CSMD1: variants seen among roughly 807,000 people sequenced by gnomAD.
CSMD1 encodes the protein CUB and Sushi multiple domains 1.
Under a neutral mutation model 417.5 loss-of-function variants are expected in CSMD1, and 213 were observed. The observed-to-expected ratio is 0.51, with a 90% confidence interval of 0.46 to 0.57. The LOEUF is 0.57. Among genes scored for constraint, CSMD1 ranks in the 20% least tolerant of loss-of-function variants. The pLI, the probability that CSMD1 is intolerant of heterozygous loss-of-function variation, is 0.00. For synonymous variants in CSMD1, 2,862 were observed against 1,736.8 expected (o/e 1.65, Z -16.11); for missense variants, 6,923 against 4,529.7 (o/e 1.53, Z -15.17).
At chr8:3,550,258 T>C (rs1231174622) in intron 10 of CSMD1, among the ~76,000 whole-genome samples, 1 of 152,074 alleles carries the variant, frequency 6.6e-6, no homozygotes, top group Non-Finnish European at 1.5e-5. Flanking sequence ...TCACCACCTG[T>C]CACCAGGCCA....
chr8:4,311,523 G>A (rs186870921), intron 3 of CSMD1, among the ~76,000 whole-genome samples: 110 of 152,178 alleles, frequency 7.2e-4, no homozygotes, highest in African/African-American at 2.5e-3. Context: ...AGGAGTTCGA[G>A]ACCAGCCTGA....
chr8:3,935,167 A>C (rs1810399658), intron 5 of CSMD1, among the ~76,000 whole-genome samples: 1 of 152,330 alleles, frequency 6.6e-6, no homozygotes, highest in South Asian at 2.1e-4. Context: ...GAATATGGCC[A>C]CGACTCGTCT....
At chr8:3,695,583 G>T (rs980842692) in intron 7 of CSMD1, among the ~76,000 whole-genome samples, 2 of 152,060 alleles carry the variant, frequency 1.3e-5, no homozygotes, top group Admixed American at 6.6e-5. Context: ...TTATTTTGAA[G>T]GATGATAGTA....
At chr8:4,688,143 G>C (rs977584317) in intron 1 of CSMD1, among the ~76,000 whole-genome samples, 7 of 152,054 alleles carry the variant, frequency 4.6e-5, no homozygotes, top group Non-Finnish European at 1.0e-4. Flanking sequence ...TTGATTCTAA[G>C]GTTCTAAGGT....
intron 31 of CSMD1, 52 bp from the exon 32 acceptor site, chr8:3,201,777 T>A: frequency 9.4e-7 from 1 of 1,062,810 alleles, no homozygotes; most frequent in Non-Finnish European, 1.4e-6. Flanking sequence ...GAAAACAAAA[T>A]GGAGATTTTT....
At chr8:4,597,969 T>G (rs564781770) in intron 2 of CSMD1, among the ~76,000 whole-genome samples, 5 of 151,706 alleles carry the variant, frequency 3.3e-5, no homozygotes, top group African/African-American at 1.2e-4. Context: ...TATTTTAAAA[T>G]ATATGTGATT....
chr8:4,638,809 C>A (rs755394540), intron 1 of CSMD1, among the ~76,000 whole-genome samples: 2 of 152,152 alleles, frequency 1.3e-5, no homozygotes, highest in African/African-American at 2.4e-5. Context: ...CAATTGAGTG[C>A]CACAAAGCCA....
At chr8:4,876,317 G>A (rs190393593) in intron 1 of CSMD1, among the ~76,000 whole-genome samples, 2 of 152,100 alleles carry the variant, frequency 1.3e-5, no homozygotes, top group Admixed American at 6.5e-5. Flanking sequence ...GTATTCATGG[G>A]CAACAGAATT....
At chr8:3,149,509 C>G (rs767342484) in intron 40 of CSMD1, among the ~76,000 whole-genome samples, 1 of 152,108 alleles carries the variant, frequency 6.6e-6, no homozygotes, top group Non-Finnish European at 1.5e-5. Flanking sequence ...GACAGAGTCT[C>G]GCTCTGTCAC....
At chr8:4,352,315 G>A (rs1370171721) in intron 3 of CSMD1, among the ~76,000 whole-genome samples, 1 of 152,132 alleles carries the variant, frequency 6.6e-6, no homozygotes, top group South Asian at 2.1e-4. Flanking sequence ...AACTATCTAT[G>A]CCATCATAAA....
chr8:4,415,363 T>C (rs1251348830), intron 3 of CSMD1, among the ~76,000 whole-genome samples: 1 of 152,166 alleles, frequency 6.6e-6, no homozygotes, highest in Non-Finnish European at 1.5e-5. Context: ...GGAAGATCCT[T>C]CTGTTGTCTC....
At chr8:4,353,803 C>T (rs548657268) in intron 3 of CSMD1, among the ~76,000 whole-genome samples, 6 of 152,074 alleles carry the variant, frequency 3.9e-5, no homozygotes, top group Non-Finnish European at 5.9e-5. Context: ...ATAAATGGCT[C>T]GATCATTAAA....
chr8:4,619,780 A>G (rs184860295), intron 2 of CSMD1, among the ~76,000 whole-genome samples: 4 of 152,080 alleles, frequency 2.6e-5, no homozygotes, highest in Non-Finnish European at 4.4e-5. Context: ...TGTCCTCACA[A>G]TTTTGGTATT....
chr8:3,906,897 C>T (rs1034396697), intron 5 of CSMD1, among the ~76,000 whole-genome samples: 3 of 152,164 alleles, frequency 2.0e-5, no homozygotes, highest in African/African-American at 7.2e-5. Flanking sequence ...TAGGCAGCTC[C>T]AACATTATCC....
intron 8 of CSMD1, among the ~76,000 whole-genome samples, chr8:3,615,666 TA>T (rs1027795650): frequency 6.6e-6 from 1 of 152,222 alleles, no homozygotes. Flanking sequence ...CCAATTTAAC[TA>T]AAAAACATTC....
chr8:3,179,240 C>A (rs539376617), intron 37 of CSMD1, among the ~76,000 whole-genome samples: 5 of 152,238 alleles, frequency 3.3e-5, no homozygotes, highest in African/African-American at 9.6e-5. Context: ...CCACCGCGCC[C>A]AGCCTATAAT....
At chr8:3,496,730 G>A (rs748385951) in intron 10 of CSMD1, among the ~76,000 whole-genome samples, 5 of 152,064 alleles carry the variant, frequency 3.3e-5, no homozygotes, top group African/African-American at 4.8e-5. Flanking sequence ...GGAAGCTGAG[G>A]CAGGAGAATC....
At chr8:3,219,074 G>T (rs1050213693) in intron 29 of CSMD1, among the ~76,000 whole-genome samples, 181 bp downstream of exon 29, 4 of 152,072 alleles carry the variant, frequency 2.6e-5, no homozygotes, top group African/African-American at 9.7e-5. Flanking sequence ...AGTTAAAGTA[G>T]AAATGCACCT....
At position 4,788,095 on chromosome 8, in the gene CSMD1, C is replaced by A. The variant is rs777525684; in HGVS notation, c.86-150537G>T. The A allele has an allele frequency of 8.7e-6, 14 of 1,602,346 alleles. No individual in the cohort carries two copies. The East Asian group carries it at 1.8e-4, about 20-fold the overall frequency. Reference sequence around the variant, plus strand: ...GAGAAAGTAGAGTTGCTTTTGAAATCAGAAAGTCAGTGCAGGGTTGTAGTG... The same window carrying A: ...GAGAAAGTAGAGTTGCTTTTGAAATAAGAAAGTCAGTGCAGGGTTGTAGTG... On this transcript the variant is annotated intron_variant, in intron 1 of 69. Coordinates refer to ENST00000635120, the MANE Select transcript of CSMD1 (RefSeq NM_033225.6).
Sources: allele counts gnomAD v4.1 joint callset (sites outside exome capture counted in the v4.1 genomes callset), GRCh38; gene constraint gnomAD v4.1.1; transcripts MANE v1.5; gene names NCBI Gene and HGNC (gene_info 2026-07-23, HGNC 2026-07-21).